The following PRKCZ variants were observed in gnomAD, a reference collection of about 807,000 sequenced individuals.
PRKCZ encodes protein kinase C zeta, also known as protein kinase C zeta type.
In PRKCZ, 33 loss-of-function variants were observed where a neutral mutation model predicts 79.5. That is an observed-to-expected ratio of 0.41 (90% CI 0.31 to 0.55). The LOEUF is 0.55. Among genes scored for constraint, PRKCZ ranks in the 20% least tolerant of loss-of-function variants. The probability of loss-of-function intolerance (pLI) is 0.19; values close to 1 mark genes in which losing one functional copy is unlikely to be tolerated. For synonymous variants in PRKCZ, 342 were observed against 320.9 expected (o/e 1.07, Z -0.70); for missense variants, 578 against 813.5 (o/e 0.71, Z 3.52).
At chr1:2,054,992 G>T (rs866278047) in intron 1 of PRKCZ, among the ~76,000 whole-genome samples, 1 of 150,786 alleles carries the variant, frequency 6.6e-6, no homozygotes, top group East Asian at 1.9e-4. Flanking sequence ...GCCCAGGCTG[G>T]ACTGCAGTGG....
At chr1:2,050,769 G>C (rs1659564114) in intron 1 of PRKCZ, 68 bp downstream of exon 1, 1 of 988,142 alleles carries the variant, frequency 1.0e-6, no homozygotes, top group African/African-American at 1.7e-5. Context: ...TCAGCCGTCG[G>C]GGCTCCTGCG....
chr1:2,157,195 G>T (rs1206733645), intron 10 of PRKCZ, among the ~76,000 whole-genome samples: 1 of 152,118 alleles, frequency 6.6e-6, no homozygotes, highest in Admixed American at 6.5e-5. Flanking sequence ...GTCCCCAGGG[G>T]CCTGGATGAT....
intron 4 of PRKCZ, among the ~76,000 whole-genome samples, chr1:2,087,669 C>T (rs889076549): frequency 7.9e-4 from 120 of 152,058 alleles, no homozygotes; most frequent in African/African-American, 2.8e-3. Context: ...TGTGCGATGC[C>T]AGCAGAAAGA....
chr1:2,093,913 G>A (rs1404968177), intron 4 of PRKCZ, among the ~76,000 whole-genome samples: 2 of 152,232 alleles, frequency 1.3e-5, no homozygotes, highest in South Asian at 2.1e-4. Context: ...TGCAGCCCTT[G>A]GCCGGGCACT....
intron 6 of PRKCZ, chr1:2,144,663 C>A: frequency 8.9e-7 from 1 of 1,121,718 alleles, no homozygotes; most frequent in Non-Finnish European, 1.1e-6. Flanking sequence ...CTCTTAAGGA[C>A]TGTGGAGGTG....
At chr1:2,099,445 T>G (rs1384468132) in intron 4 of PRKCZ, among the ~76,000 whole-genome samples, 1 of 150,360 alleles carries the variant, frequency 6.7e-6, no homozygotes, top group East Asian at 2.0e-4. Flanking sequence ...GACCAATGAT[T>G]GACAGTTCCA....
At position 2,177,503 on chromosome 1, in the gene PRKCZ, T is replaced by TGGACAGATGA. The variant is rs1195236180; in HGVS notation, c.1575+2200_1575+2209dup. ...TCAACCACTCTTGGTTTACCGGGAG[T>TGGACAGATGA]GGACAGATGAGGACAGATGGCTGCC... On this transcript the variant is annotated intron_variant, in intron 16 of 17. Coordinates refer to ENST00000378567, the MANE Select transcript of PRKCZ (RefSeq NM_002744.6). This position sits in a 1 kb window ranked among gnomAD's most constrained non-coding sequence, Gnocchi z 6.4. 6.6e-6 allele frequency among the ~76,000 whole-genome samples: 1 copy of TGGACAGATGA among 151,986 alleles called. No homozygotes were observed. The highest frequency in any genetic ancestry group is 1.9e-4 in the East Asian group (1 of 5,168).
chr1:2,064,256 C>T (rs1660942868), intron 4 of PRKCZ, among the ~76,000 whole-genome samples: 3 of 152,208 alleles, frequency 2.0e-5, no homozygotes, highest in Admixed American at 1.3e-4. Context: ...AGTTCTCTGT[C>T]CTGGATGTTA....
At chr1:2,053,367 G>C (rs547899703) in intron 1 of PRKCZ, among the ~76,000 whole-genome samples, 1 of 152,302 alleles carries the variant, frequency 6.6e-6, no homozygotes, top group East Asian at 1.9e-4. Context: ...CCAAAGCGCT[G>C]GGATGAAAGG....
Position 2,112,213 on chromosome 1 carries a change from A to G in PRKCZ, c.335-23049A>G, listed in dbSNP as rs1404761615. Among the ~76,000 whole-genome samples, 4 of 152,334 alleles carry G rather than the reference A, an allele frequency of 2.6e-5. No individual in the cohort carries two copies. In the East Asian group the frequency reaches 7.7e-4, roughly 29 times the overall value. ...AGAAGGCAAAAAACAGGCTTTGCTTAGAATCCCCTAAATTGCTCATAAAAC... is the reference window on the plus strand; with the variant it reads ...AGAAGGCAAAAAACAGGCTTTGCTTGGAATCCCCTAAATTGCTCATAAAAC... On this transcript the variant is annotated intron_variant, in intron 4 of 17. Coordinates refer to ENST00000378567, the MANE Select transcript of PRKCZ (RefSeq NM_002744.6).
chr1:2,062,910 T>C (rs1448290881), intron 4 of PRKCZ, among the ~76,000 whole-genome samples: 5 of 152,172 alleles, frequency 3.3e-5, no homozygotes, highest in Admixed American at 3.3e-4. Context: ...AGCCTCTGTC[T>C]CCATGAAACA....
intron 4 of PRKCZ, among the ~76,000 whole-genome samples, chr1:2,085,923 C>G (rs1003230779): frequency 6.6e-6 from 1 of 152,190 alleles, no homozygotes; most frequent in Non-Finnish European, 1.5e-5. Context: ...CTCTCTTTCT[C>G]TCGCTCCCTT....
chr1:2,100,888 G>A (rs899656612), intron 4 of PRKCZ, among the ~76,000 whole-genome samples: 2 of 152,238 alleles, frequency 1.3e-5, no homozygotes, highest in Admixed American at 1.3e-4. Context: ...CACCCCCTGA[G>A]GTGTGAGGGA....
At chr1:2,134,520 C>T (rs772675371) in intron 4 of PRKCZ, among the ~76,000 whole-genome samples, 5 of 152,168 alleles carry the variant, frequency 3.3e-5, no homozygotes, top group African/African-American at 4.8e-5. Flanking sequence ...CAAGACCAGC[C>T]GTCTGGTTAC....
intron 4 of PRKCZ, among the ~76,000 whole-genome samples, chr1:2,062,008 G>A (rs1178226437): frequency 5.3e-5 from 8 of 152,198 alleles, no homozygotes; most frequent in Non-Finnish European, 8.8e-5. Flanking sequence ...TGTGTACAGT[G>A]GATGGAGCAC....
At chr1:2,163,643 C>T (rs1188802752) in intron 10 of PRKCZ, among the ~76,000 whole-genome samples, 4 of 152,130 alleles carry the variant, frequency 2.6e-5, no homozygotes, top group Non-Finnish European at 5.9e-5. Flanking sequence ...GTAATCCCAG[C>T]ACTCTGGGAG....
At chr1:2,071,428 C>T (rs28569120) in intron 4 of PRKCZ, 1 of 353,316 alleles carries the variant, frequency 2.8e-6, no homozygotes, top group East Asian at 9.9e-5. Flanking sequence ...TGCTGGTGTC[C>T]TCCAGGCCTG....
intron 4 of PRKCZ, chr1:2,073,570 C>T (rs188403646): frequency 4.3e-5 from 41 of 961,980 alleles, no homozygotes; most frequent in African/African-American, 4.0e-4. Context: ...GCTGCCCGCC[C>T]GCTCTCTGGA....
At chr1:2,137,319 G>A (rs1029518079) in intron 5 of PRKCZ, among the ~76,000 whole-genome samples, 5 of 152,104 alleles carry the variant, frequency 3.3e-5, no homozygotes, top group Non-Finnish European at 5.9e-5. Flanking sequence ...GGACGCCACC[G>A]CCCACCCACA....
Sources: gnomAD v4.1 joint callset for allele counts (sites outside exome capture counted in the v4.1 genomes callset) on GRCh38, gnomAD v4.1.1 for gene constraint, Gnocchi (gnomAD v3.1) non-coding constraint, MANE v1.5 for transcripts, NCBI Gene and HGNC (gene_info 2026-07-23, HGNC 2026-07-21) for gene names.